Variants in PEX5L observed in about 807,000 individuals in gnomAD.
PEX5L encodes the protein PEX5-related protein.
PEX5L carries 30 observed loss-of-function variants against 84.0 expected under a neutral mutation model. That is an observed-to-expected ratio of 0.36 (90% confidence interval 0.27 to 0.48). The LOEUF (loss-of-function observed/expected upper bound fraction) is 0.48. Ranked by LOEUF, PEX5L falls within the 20% of genes least tolerant of loss-of-function variation. The pLI is 0.99. For synonymous variants in PEX5L, 270 were observed against 283.1 expected, an observed-to-expected ratio of 0.95 and a Z score of 0.46; for missense variants, 533 against 754.6, an observed-to-expected ratio of 0.71 and a Z score of 3.44.
At chr3:180,032,626 C>A (rs758365574) in intron 1 of PEX5L, among the ~76,000 whole-genome samples, 1 of 152,080 alleles carries the variant, frequency 6.6e-6, no homozygotes, top group Non-Finnish European at 1.5e-5. Flanking sequence ...GGCAAAGGCG[C>A]GTGGATCGCT....
intron 2 of PEX5L, among the ~76,000 whole-genome samples, chr3:179,923,300 A>AAAC (rs1553900509): frequency 1.4e-5 from 2 of 144,730 alleles, no homozygotes; most frequent in Non-Finnish European, 3.0e-5. Flanking sequence ...CAAAAAAAAA[A>AAAC]AAAAAAAAAA....
At chr3:179,839,631 A>G (rs1429384939) in intron 8 of PEX5L, among the ~76,000 whole-genome samples, 1 of 152,210 alleles carries the variant, frequency 6.6e-6, no homozygotes, top group Non-Finnish European at 1.5e-5. Flanking sequence ...AGAAACTCAC[A>G]TAACTTCTGT....
At chr3:179,820,127 G>A in intron 8 of PEX5L, 151 bp from the exon 9 acceptor site, 4 of 1,027,526 alleles carry the variant, frequency 3.9e-6, no homozygotes, top group Middle Eastern at 2.6e-4. Context: ...AAGAGCTTCT[G>A]GAGGGTACTC....
intron 1 of PEX5L, among the ~76,000 whole-genome samples, chr3:179,991,905 T>C (rs965520161): frequency 6.6e-6 from 1 of 152,202 alleles, no homozygotes; most frequent in Non-Finnish European, 1.5e-5. Context: ...ATTTATTTGA[T>C]ACAAAAAAAT....
At chr3:179,846,313 C>T (rs560207721) in intron 8 of PEX5L, among the ~76,000 whole-genome samples, 2 of 152,192 alleles carry the variant, frequency 1.3e-5, no homozygotes, top group Admixed American at 1.3e-4. Flanking sequence ...CTATCCTACA[C>T]CTCACACACT....
chr3:179,954,123 C>T lies in PEX5L; in HGVS notation c.93+17471G>A, dbSNP rs1255969165. ...GCAGCTTCTTAAGGTCCAGAGATTTCTTTTTTTTTCTTTTGTACCTGCCTT... is the reference window on the plus strand; with the variant it reads ...GCAGCTTCTTAAGGTCCAGAGATTTTTTTTTTTTTCTTTTGTACCTGCCTT... On this transcript the variant is annotated intron_variant, in intron 2 of 14. Coordinates refer to ENST00000467460, the MANE Select transcript of PEX5L (RefSeq NM_016559.3). Among the ~76,000 whole-genome samples the T allele has an allele frequency of 5.5e-5, 8 of 146,224 alleles. No individual in the cohort carries two copies. The East Asian group carries it at 1.4e-3, about 26-fold the overall frequency.
intron 2 of PEX5L, among the ~76,000 whole-genome samples, chr3:179,961,877 C>G (rs759503809): frequency 2.0e-5 from 3 of 152,006 alleles, no homozygotes; most frequent in Non-Finnish European, 4.4e-5. Context: ...GCTGAACTGT[C>G]GATACGGTTC....
At chr3:179,971,986 T>C (rs899727335) in intron 1 of PEX5L, among the ~76,000 whole-genome samples, 6 of 152,182 alleles carry the variant, frequency 3.9e-5, no homozygotes, top group Non-Finnish European at 8.8e-5. Flanking sequence ...AAGCAATTCT[T>C]TGAAGAGCCT....
intron 1 of PEX5L, among the ~76,000 whole-genome samples, chr3:179,984,551 T>C (rs1391534278): frequency 6.6e-6 from 1 of 152,184 alleles, no homozygotes; most frequent in Non-Finnish European, 1.5e-5. Flanking sequence ...TTCAGAAGGA[T>C]ATAGACGCAT....
At position 179,796,512 on chromosome 3, in the gene PEX5L, G is replaced by T. The variant is rs1162320070; in HGVS notation, c.*5316C>A. 1 of 150,676 alleles carries T rather than the reference G, an allele frequency of 6.6e-6. No homozygotes were observed. The highest frequency in any genetic ancestry group is 1.5e-5 in the Non-Finnish European group (1 of 67,834). The allele number at this position is 150,676 out of a possible 1,614,324, so 9.3% of individuals were successfully genotyped here. ...GTTAAACCTCACAGTTTAATTTTCT[G>T]TGTTTTTTTTTTTCCTCTTAACTGT... On this transcript the variant is annotated 3_prime_UTR_variant, in exon 15 of 15. Coordinates refer to ENST00000467460, the MANE Select transcript of PEX5L (RefSeq NM_016559.3).
chr3:179,813,172 G>A (rs1724558849), intron 10 of PEX5L, among the ~76,000 whole-genome samples: 2 of 152,074 alleles, frequency 1.3e-5, no homozygotes, highest in African/African-American at 4.8e-5. Context: ...CTCTGGGGAC[G>A]TTTTTCTAGC....
chr3:179,819,806 G>C, intron 9 of PEX5L, 54 bp downstream of exon 9: 3 of 1,466,776 alleles, frequency 2.0e-6, no homozygotes, highest in Non-Finnish European at 2.9e-6. Context: ...TATAAAATAT[G>C]ATCCAAAAAG....
chr3:179,847,244 A>C (rs1739844832), intron 8 of PEX5L, among the ~76,000 whole-genome samples: 1 of 152,008 alleles, frequency 6.6e-6, no homozygotes, highest in African/African-American at 2.4e-5. Flanking sequence ...CTGTATATTG[A>C]TTGATATATA....
chr3:179,864,701 T>C (rs992438718), intron 7 of PEX5L, among the ~76,000 whole-genome samples: 2 of 152,148 alleles, frequency 1.3e-5, no homozygotes, highest in African/African-American at 4.8e-5. Context: ...ACTATAAAAA[T>C]AAGTATGTGA....
At chr3:179,962,646 A>T (rs2037635) in intron 2 of PEX5L, among the ~76,000 whole-genome samples, 2 of 152,116 alleles carry the variant, frequency 1.3e-5, no homozygotes, top group African/African-American at 2.4e-5. Flanking sequence ...TAATATTTAC[A>T]GTTCTTATTT....
chr3:179,857,120 A>T (rs1363817550), intron 8 of PEX5L, among the ~76,000 whole-genome samples: 1 of 152,182 alleles, frequency 6.6e-6, no homozygotes, highest in East Asian at 1.9e-4. Flanking sequence ...ACTGGAAAGG[A>T]TCATAGAGGC....
At chr3:179,847,942 C>T (rs1329260994) in intron 8 of PEX5L, among the ~76,000 whole-genome samples, 2 of 151,410 alleles carry the variant, frequency 1.3e-5, no homozygotes, top group African/African-American at 2.4e-5. Flanking sequence ...AAGTGATTCT[C>T]CTGCCTTGGT....
chr3:179,819,750 G>T, intron 9 of PEX5L, 110 bp downstream of exon 9: 2 of 932,242 alleles, frequency 2.1e-6, no homozygotes, highest in Non-Finnish European at 3.3e-6. Context: ...ACATTAAATT[G>T]TCTTTTTAAT....
chr3:179,949,624 CAA>C (rs10554637), intron 2 of PEX5L, among the ~76,000 whole-genome samples: 88,424 of 151,716 alleles, frequency 0.58, 26,742 homozygotes, highest in African/African-American at 0.75. Context: ...CCAAGCAAAA[CAA>C]AGACACTGAG....
Sources: allele counts gnomAD v4.1 joint callset (sites outside exome capture counted in the v4.1 genomes callset), GRCh38; gene constraint gnomAD v4.1.1; transcripts MANE v1.5; gene names NCBI Gene and HGNC (gene_info 2026-07-23, HGNC 2026-07-21).